MADD: variants seen among roughly 807,000 people sequenced by gnomAD.
MADD encodes MAP kinase-activating death domain protein.
MADD carries 109 observed loss-of-function variants against 176.7 expected under a neutral mutation model. The observed-to-expected ratio is 0.62, with a 90% confidence interval of 0.53 to 0.72. The LOEUF is 0.72. Among genes scored for constraint, MADD ranks in the 30% least tolerant of loss-of-function variants. The pLI is 0.00. For missense variants in MADD, 1,914 were observed against 2,045.5 expected, an observed-to-expected ratio of 0.94 and a Z score of 1.24; for synonymous variants, 771 against 771.3, an observed-to-expected ratio of 1.00 and a Z score of 0.01.
At chr11:47,277,754 G>A (rs1475210345) in intron 5 of MADD, among the ~76,000 whole-genome samples, 6 of 152,150 alleles carry the variant, frequency 3.9e-5, no homozygotes, top group Non-Finnish European at 8.8e-5. Flanking sequence ...GCTACAGGCT[G>A]GACACAGGGG....
chr11:47,318,146 C>T (rs1284168574), intron 27 of MADD, among the ~76,000 whole-genome samples: 1 of 152,150 alleles, frequency 6.6e-6, no homozygotes, highest in African/African-American at 2.4e-5. Context: ...AAAAGCCTTA[C>T]TCTCCAGGAT....
chr11:47,295,737 C>T (rs1299408802), intron 21 of MADD, 158 bp downstream of exon 23: 2 of 985,276 alleles, frequency 2.0e-6, no homozygotes, highest in Non-Finnish European at 2.4e-6. Context: ...TACGAGATTT[C>T]ACCCAGAGCT....
At position 47,290,591 on chromosome 11, in the gene MADD, CT is replaced by C; in HGVS notation, c.3095-17del. ...TCCTACTCACTACTTCTCTTGACCT[CT>C]TGATATTTTTCCCTCAGAACCAGAC... On this transcript the variant is annotated intron_variant, in intron 18 of 32. Transcript: ENST00000402192. 1.2e-6 allele frequency: 2 copies of C among 1,608,982 alleles called. No individual in the cohort carries two copies. Among genetic ancestry groups the C allele is most frequent in the Non-Finnish European group, 1.7e-6 (2 of 1,176,542 alleles).
rs1387812125 is a variant in MADD at position 47,326,648 on chromosome 11, T to G, written c.4543-90T>G. 4 of 1,541,526 alleles carry G rather than the reference T, an allele frequency of 2.6e-6. No individual in the cohort carries two copies. In the South Asian group the frequency reaches 3.6e-5, roughly 14 times the overall value. On this transcript the variant is annotated intron_variant, in intron 30 of 32. Coordinates refer to ENST00000402192, the Ensembl canonical transcript of MADD. ...CTCTTTGGGAAATAGACTTTCTTTG[T>G]GTGGGTGGGGCTGTAGCTGGGAGAG...
At chr11:47,326,219 C>T (rs760711441) in intron 30 of MADD, among the ~76,000 whole-genome samples, 9 of 152,208 alleles carry the variant, frequency 5.9e-5, no homozygotes, top group Non-Finnish European at 1.2e-4. Flanking sequence ...AGGTGCTCAG[C>T]AAGTGGTAGC....
At chr11:47,273,683 G>A in intron 1 of MADD, 144 bp from the exon 2 acceptor site, 3 of 446,682 alleles carry the variant, frequency 6.7e-6, no homozygotes, top group South Asian at 6.2e-5. Flanking sequence ...GCCTAGACAC[G>A]AGGCTAGGCA....
exon 23 of MADD, chr11:47,308,644 C>T: frequency 6.2e-7 from 1 of 1,614,040 alleles, no homozygotes; most frequent in Non-Finnish European, 8.5e-7. Context: ...CAGGCAGCCC[C>T]ATTCGTACTT....
exon 13 of MADD, chr11:47,285,063 G>C: frequency 6.2e-7 from 1 of 1,614,030 alleles, no homozygotes; most frequent in Non-Finnish European, 8.5e-7. Flanking sequence ...AAATTGGAGA[G>C]GGGTCAGTGC....
At chr11:47,293,602 C>T (rs1416050874) in intron 19 of MADD, among the ~76,000 whole-genome samples, 3 of 152,044 alleles carry the variant, frequency 2.0e-5, no homozygotes, top group Non-Finnish European at 4.4e-5. Context: ...CATGCCCAGC[C>T]TTGTGGAGCT....
chr11:47,276,116 G>C, exon 4 of MADD: 1 of 1,614,194 alleles, frequency 6.2e-7, no homozygotes, highest in East Asian at 2.2e-5. Flanking sequence ...ATTCACCCTA[G>C]TGGATTTCCC....
At chr11:47,311,486 C>T (rs2089153657) in intron 25 of MADD, among the ~76,000 whole-genome samples, 1 of 152,112 alleles carries the variant, frequency 6.6e-6, no homozygotes, top group Admixed American at 6.5e-5. Context: ...GAAAGTGTCC[C>T]CTGGAACCAG....
chr11:47,273,852 G>A, exon 2 of MADD: 2 of 1,418,838 alleles, frequency 1.4e-6, no homozygotes, highest in Admixed American at 1.7e-5. Context: ...ATTCCTCCTG[G>A]GAATGCTGAC....
rs755964244 is a variant in MADD, at chr11:47,324,376, T to C, written c.4435+39T>C. Reference sequence around the variant, plus strand: ...TTCCTGAGAGTGTCTTCCCTGTTTCTACCAGTCCTTCTGAGTGTCAGGGGC... The same window carrying C: ...TTCCTGAGAGTGTCTTCCCTGTTTCCACCAGTCCTTCTGAGTGTCAGGGGC... On this transcript the variant is annotated intron_variant, in intron 29 of 32. Transcript: ENST00000402192. 68 of 1,611,426 alleles carry C rather than the reference T, an allele frequency of 4.2e-5. No individual in the cohort carries two copies. The Admixed American group carries it at 1.1e-3, about 26-fold the overall frequency.
chr11:47,323,796 T>C, exon 28 of MADD: 1 of 1,614,202 alleles, frequency 6.2e-7, no homozygotes, highest in Non-Finnish European at 8.5e-7. Context: ...GGCGTAGAAA[T>C]GGCTCTGAGA....
At chr11:47,276,268 C>T (rs1331803369) in intron 4 of MADD, 66 bp downstream of exon 4, 7 of 1,469,638 alleles carry the variant, frequency 4.8e-6, no homozygotes, top group African/African-American at 2.8e-5. Context: ...GGCCAGACCA[C>T]GAGCTCTTAG....
exon 27 of MADD, chr11:47,315,223 G>C (rs757293656): frequency 2.5e-6 from 4 of 1,608,194 alleles, no homozygotes; most frequent in Non-Finnish European, 2.6e-6. Context: ...TCATCAGAAT[G>C]GACGCGATCT....
At chr11:47,327,798 C>T (rs1348316490) in intron 31 of MADD, 3 of 985,330 alleles carry the variant, frequency 3.0e-6, no homozygotes, top group Non-Finnish European at 3.6e-6. Flanking sequence ...CTCCTCCTGC[C>T]TTTTCTGGCC....
intron 27 of MADD, among the ~76,000 whole-genome samples, chr11:47,322,689 A>G (rs766324722): frequency 6.6e-6 from 1 of 152,236 alleles, no homozygotes. Flanking sequence ...TTTAATTTAT[A>G]TCATCCTGTA....
chr11:47,324,959 T>C (rs915461644), intron 30 of MADD: 2 of 574,474 alleles, frequency 3.5e-6, no homozygotes, highest in Non-Finnish European at 3.1e-6. Context: ...GAGTCTAGAC[T>C]GGCCGATCTC....
Sources: gnomAD v4.1 joint callset for allele counts (sites outside exome capture counted in the v4.1 genomes callset) on GRCh38, gnomAD v4.1.1 for gene constraint, MANE v1.5 for transcripts, NCBI Gene and HGNC (gene_info 2026-07-23, HGNC 2026-07-21) for gene names.